LRCH3: variants seen among roughly 807,000 people sequenced by gnomAD.
LRCH3 encodes leucine rich repeats and calponin homology domain containing 3.
LRCH3 carries 68 observed loss-of-function variants against 104.5 expected under a neutral mutation model. That is an observed-to-expected ratio of 0.65 (90% CI 0.54 to 0.80). The LOEUF (loss-of-function observed/expected upper bound fraction) is 0.80, where lower values mean the gene tolerates loss of function less well. LRCH3 is among the 30% of genes least tolerant of loss of function. The pLI, the probability that LRCH3 is intolerant of heterozygous loss-of-function variation, is 0.00. For missense variants in LRCH3, 951 were observed against 953.9 expected (o/e 1.00, Z 0.04); for synonymous variants, 344 against 361.3 (o/e 0.95, Z 0.54).
chr3:197,868,396 T>C (rs1047007656), intron 17 of LRCH3, among the ~76,000 whole-genome samples: 14 of 152,224 alleles, frequency 9.2e-5, no homozygotes, highest in African/African-American at 3.4e-4. Context: ...TACTACATTT[T>C]ATATGAGTGA....
chr3:197,814,833 A>G, intron 1 of LRCH3, 75 bp from the exon 2 acceptor site: 1 of 1,261,698 alleles, frequency 7.9e-7, no homozygotes. Flanking sequence ...TTTTTAGTTT[A>G]TGTGGAAAAT....
chr3:197,834,931 C>G (rs529438996), intron 8 of LRCH3, among the ~76,000 whole-genome samples: 50 of 152,148 alleles, frequency 3.3e-4, no homozygotes, highest in Admixed American at 7.9e-4. Flanking sequence ...ATCGCTTGAG[C>G]CCAGGAGTTG....
chr3:197,871,789 C>T (rs1360398684), intron 19 of LRCH3, among the ~76,000 whole-genome samples: 2 of 152,146 alleles, frequency 1.3e-5, no homozygotes, highest in Non-Finnish European at 2.9e-5. Flanking sequence ...AGGAATTTTC[C>T]AGCAGTACAG....
At chr3:197,818,043 G>A (rs1341843830) in intron 3 of LRCH3, among the ~76,000 whole-genome samples, 4 of 152,090 alleles carry the variant, frequency 2.6e-5, no homozygotes, top group African/African-American at 4.8e-5. Flanking sequence ...GGATAGTCTT[G>A]ATCTCCTGAC....
intron 4 of LRCH3, among the ~76,000 whole-genome samples, chr3:197,824,431 A>G (rs550037122): frequency 2.8e-5 from 4 of 144,134 alleles, no homozygotes; most frequent in Non-Finnish European, 4.5e-5. Flanking sequence ...ATGTGTGTCT[A>G]TGGCTAATTC....
chr3:197,879,191 T>C (rs1268894610), intron 20 of LRCH3, among the ~76,000 whole-genome samples: 2 of 152,220 alleles, frequency 1.3e-5, no homozygotes, highest in Non-Finnish European at 1.5e-5. Context: ...AGAGTCGTTA[T>C]GTTATGTGTT....
chr3:197,791,254 G>A lies in LRCH3; in HGVS notation c.-25G>A, dbSNP rs1281942563. The A allele has an allele frequency of 3.7e-6, 6 of 1,605,002 alleles. No homozygotes were observed. The highest frequency in any genetic ancestry group is 2.3e-5 in the East Asian group (1 of 44,376). On this transcript the variant is annotated 5_prime_UTR_variant, in exon 1 of 21. Coordinates refer to ENST00000425562, the MANE Select transcript of LRCH3 (RefSeq NM_001365715.1). ...CCGGCCGCGCATGCGCTGAGCTGGCGGGCCCGAGTGTTGTCGGCTGGGAAA... is the reference window on the plus strand; with the variant it reads ...CCGGCCGCGCATGCGCTGAGCTGGCAGGCCCGAGTGTTGTCGGCTGGGAAA...
At position 197,879,602 on chromosome 3, in the gene LRCH3, G is replaced by C. The variant is rs2109567671; in HGVS notation, c.2208+3827G>C. On this transcript the variant is annotated intron_variant, in intron 20 of 20. Coordinates refer to ENST00000425562, the MANE Select transcript of LRCH3 (RefSeq NM_001365715.1). Reference sequence around the variant, plus strand: ...CGGAGCTTGCAGTGAGCCGAGATCAGCGAGACTCCGTCTCAAAAAAAATAA... The same window carrying C: ...CGGAGCTTGCAGTGAGCCGAGATCACCGAGACTCCGTCTCAAAAAAAATAA... Among the ~76,000 whole-genome samples, 3 of 152,128 alleles carry C rather than the reference G, an allele frequency of 2.0e-5. No homozygotes were observed. The South Asian group carries it at 6.2e-4, about 32-fold the overall frequency.
rs11185488 is a variant in LRCH3, at chr3:197,887,070, G to T, written c.*3404G>T. On this transcript the variant is annotated 3_prime_UTR_variant, in exon 21 of 21. Transcript: ENST00000425562. ...GATAATTGAAGGAAAAATATCAAAT[G>T]CTTTGAATTTTTTTTCTCTTTTTTC... The T allele has an allele frequency of 6.6e-6, 1 of 151,948 alleles. No individual in the cohort carries two copies. Among genetic ancestry groups the T allele is most frequent in the African/African-American group, 2.4e-5 (1 of 41,354 alleles). 9.4% of individuals were successfully genotyped at this position (151,948 alleles called of 1,614,324 possible). A position where few individuals can be genotyped will look rare whatever the true frequency, so the allele number is the denominator to read the frequency against.
chr3:197,800,041 T>C (rs908393128), intron 1 of LRCH3, among the ~76,000 whole-genome samples: 2 of 148,120 alleles, frequency 1.4e-5, no homozygotes, highest in African/African-American at 5.0e-5. Flanking sequence ...AAAAAAAAAT[T>C]AGCCAGGCGT....
At chr3:197,855,319 T>C (rs1220391856) in intron 14 of LRCH3, among the ~76,000 whole-genome samples, 1 of 152,208 alleles carries the variant, frequency 6.6e-6, no homozygotes, top group African/African-American at 2.4e-5. Context: ...GTGAATACAA[T>C]CATCACACTC....
At chr3:197,800,530 A>G (rs1179198560) in intron 1 of LRCH3, among the ~76,000 whole-genome samples, 4 of 152,216 alleles carry the variant, frequency 2.6e-5, no homozygotes, top group Admixed American at 2.6e-4. Context: ...AACGTGGAGC[A>G]GTGGAGACAC....
chr3:197,881,050 G>C, intron 20 of LRCH3: 1 of 1,130,332 alleles, frequency 8.8e-7, no homozygotes, highest in Non-Finnish European at 1.1e-6. Flanking sequence ...GACATGTAGA[G>C]CTTTATTTCC....
rs1263534332 is a variant in LRCH3 at position 197,885,758 on chromosome 3, CCTT to C, written c.*2093_*2095del. 3 of 152,226 alleles carry C rather than the reference CCTT, an allele frequency of 2.0e-5. No individual in the cohort carries two copies. Among genetic ancestry groups the C allele is most frequent in the Admixed American group, 2.0e-4 (3 of 15,278 alleles). 9.4% of individuals were successfully genotyped at this position (152,226 alleles called of 1,614,324 possible). ...TTTTCCTTCCCCTGCATTTTGAACT[CCTT>C]TTAGTTGTTGGTGATATCCTTTGGT... On this transcript the variant is annotated 3_prime_UTR_variant, in exon 21 of 21. Transcript: ENST00000425562.
chr3:197,854,545 A>G lies in LRCH3; in HGVS notation c.1644+100A>G, dbSNP rs1386009441. On this transcript the variant is annotated intron_variant, in intron 14 of 20. Transcript: ENST00000425562. This position sits in a 1 kb window ranked among gnomAD's most constrained non-coding sequence, Gnocchi z 4.5. ...AATACCATAAAACATGATGAACATC[A>G]TTACTAAATGCTTTATGAAGAACTA... 14 of 1,116,908 alleles carry G rather than the reference A, an allele frequency of 1.3e-5. No individual in the cohort carries two copies. Among genetic ancestry groups the G allele is most frequent in the East Asian group, 2.4e-5 (1 of 42,128 alleles). The allele number at this position is 1,116,908 out of a possible 1,614,324, so 69.2% of individuals were successfully genotyped here. A position where few individuals can be genotyped will look rare whatever the true frequency, so the allele number is the denominator to read the frequency against.
In LRCH3 at chr3:197,791,340, C is replaced by T. The variant is rs1730464127; in HGVS notation, c.62C>T (p.Ser21Leu). 6.2e-7 allele frequency: 1 copy of T among 1,608,330 alleles called. No individual in the cohort carries two copies. The highest frequency in any genetic ancestry group is 8.5e-7 in the Non-Finnish European group (1 of 1,178,420). The change falls in exon 1 of 21, where the codon TCG becomes TTG. Residue 21 changes from serine to leucine, a missense_variant. Physicochemically the swap from Ser to Leu is moderately radical, Grantham distance 145. Transcript: ENST00000425562. Reference protein sequence around the residue: ...AAAEYSGTVASGGNLPGVHCG... With the variant: ...AAAEYSGTVALGGNLPGVHCG... ...GCCGAGTACTCTGGCACGGTAGCGT[C>T]GGGAGGTAACCTCCCTGGTGTTCAC...
chr3:197,835,095 G>T (rs1736566047), intron 8 of LRCH3, among the ~76,000 whole-genome samples: 1 of 152,170 alleles, frequency 6.6e-6, no homozygotes, highest in Non-Finnish European at 1.5e-5. Flanking sequence ...AGTGAGCCAA[G>T]ATTGCACCAC....
At chr3:197,834,304 T>C (rs1736391262) in intron 8 of LRCH3, among the ~76,000 whole-genome samples, 1 of 152,182 alleles carries the variant, frequency 6.6e-6, no homozygotes, top group Non-Finnish European at 1.5e-5. Context: ...TTTATATACG[T>C]CTCCTCACCC....
intron 17 of LRCH3, among the ~76,000 whole-genome samples, chr3:197,867,840 GCGAGACTC>G (rs1711533736): frequency 6.6e-6 from 1 of 152,028 alleles, no homozygotes; most frequent in African/African-American, 2.4e-5. Context: ...GGGTGACAGA[GCGAGACTC>G]CGTTTCAAAA....
Sources: allele counts gnomAD v4.1 joint callset (sites outside exome capture counted in the v4.1 genomes callset), GRCh38; gene constraint gnomAD v4.1.1; non-coding constraint Gnocchi (gnomAD v3.1); transcripts MANE v1.5; gene names NCBI Gene and HGNC (gene_info 2026-07-23, HGNC 2026-07-21).